The following SLC15A1 variants were observed in gnomAD, a reference collection of about 807,000 sequenced individuals.
SLC15A1 encodes the protein solute carrier family 15 member 1.
In SLC15A1, 83 loss-of-function variants were observed where a neutral mutation model predicts 92.9. That is an observed-to-expected ratio of 0.89 (90% CI 0.75 to 1.07). The LOEUF is 1.07. Ranked by LOEUF, SLC15A1 falls within the 50% of genes least tolerant of loss-of-function variation. The pLI is 0.00. For synonymous variants in SLC15A1, 322 were observed against 318.2 expected, an observed-to-expected ratio of 1.01 and a Z score of -0.13; for missense variants, 857 against 880.1, an observed-to-expected ratio of 0.97 and a Z score of 0.33.
intron 20 of SLC15A1, among the ~76,000 whole-genome samples, chr13:98,687,979 GTTCT>G (rs2087943709): frequency 6.6e-6 from 1 of 152,180 alleles, no homozygotes. Context: ...TGAACTATGA[GTTCT>G]TTAAGTCCAT....
chr13:98,716,670 T>A (rs1459296086), intron 8 of SLC15A1, among the ~76,000 whole-genome samples: 1 of 152,060 alleles, frequency 6.6e-6, no homozygotes, highest in Non-Finnish European at 1.5e-5. Context: ...CTGAATGCAA[T>A]GGGAAGAGAA....
chr13:98,705,615 G>A (rs1449323960), intron 16 of SLC15A1, among the ~76,000 whole-genome samples: 1 of 152,144 alleles, frequency 6.6e-6, no homozygotes, highest in East Asian at 1.9e-4. Flanking sequence ...ATTTTGGCTG[G>A]GTATGGTGGC....
In SLC15A1 at chr13:98,711,912, G is replaced by A. The variant is rs369301364; in HGVS notation, c.842C>T (p.Thr281Met). ...ERLISQIKMV[T>M]RVMFLYIPLP... Reference sequence around the variant, plus strand: ...TGGAATATACAGGAACATCACCCTCGTAACCATCTTAATTTGGGAGATGAG... The same window carrying A: ...TGGAATATACAGGAACATCACCCTCATAACCATCTTAATTTGGGAGATGAG... Residue 281 changes from threonine to methionine, a missense_variant, in exon 11 of 23, where the codon ACG becomes ATG. Thr to Met is a moderately conservative substitution (Grantham distance 81, BLOSUM62 -1). Transcript: ENST00000376503. 88 of 1,613,038 alleles carry A rather than the reference G, an allele frequency of 5.5e-5. No homozygotes were observed. Among genetic ancestry groups the A allele is most frequent in the South Asian group, 4.7e-4 (43 of 91,040 alleles).
intron 15 of SLC15A1, among the ~76,000 whole-genome samples, chr13:98,706,901 C>G (rs2088117375): frequency 1.3e-5 from 2 of 152,104 alleles, no homozygotes; most frequent in African/African-American, 4.8e-5. Context: ...TCTGATGGCT[C>G]TGAGTCACTA....
chr13:98,739,454 G>A (rs190881027), intron 1 of SLC15A1, among the ~76,000 whole-genome samples: 5 of 152,300 alleles, frequency 3.3e-5, no homozygotes. Context: ...GGAGGACACT[G>A]GATCATGGGG....
rs372126966 is a variant in SLC15A1 at position 98,684,693 on chromosome 13, C to A, written c.*31G>T. 130 of 1,601,994 alleles carry A rather than the reference C, an allele frequency of 8.1e-5. 2 individuals carry two copies. The African/African-American group carries it at 1.5e-3, about 18-fold the overall frequency. The stretch of plus-strand genomic sequence containing the variant: ...GGGCAGAGGTCAGGGCATCTGCGGG[C>A]CCAGTCCATCCTCCACTTGCCTCCT... On this transcript the variant is annotated 3_prime_UTR_variant, in exon 23 of 23. Transcript: ENST00000376503.
intron 18 of SLC15A1, among the ~76,000 whole-genome samples, chr13:98,697,018 A>G (rs916009539): frequency 1.3e-5 from 2 of 151,922 alleles, no homozygotes; most frequent in African/African-American, 4.8e-5. Context: ...CTGATCTTAC[A>G]CTTCCAGCCT....
At chr13:98,748,495 A>G (rs1208554338) in intron 1 of SLC15A1, among the ~76,000 whole-genome samples, 2 of 152,008 alleles carry the variant, frequency 1.3e-5, no homozygotes, top group African/African-American at 2.4e-5. Context: ...GGGTTTTGCC[A>G]TGTTGCGCAG....
intron 21 of SLC15A1, among the ~76,000 whole-genome samples, chr13:98,687,361 A>G (rs755505833): frequency 6.6e-6 from 1 of 152,204 alleles, no homozygotes; most frequent in Non-Finnish European, 1.5e-5. Context: ...GGCTATGGAC[A>G]CATGTGAACA....
chr13:98,715,165 T>C (rs879830387), intron 9 of SLC15A1, among the ~76,000 whole-genome samples: 1 of 152,192 alleles, frequency 6.6e-6, no homozygotes, highest in Non-Finnish European at 1.5e-5. Flanking sequence ...ACTTTTTAAA[T>C]ATTTTTTTCT....
At chr13:98,752,172 C>G (rs572144911) in intron 1 of SLC15A1, among the ~76,000 whole-genome samples, 92 of 152,342 alleles carry the variant, frequency 6.0e-4, no homozygotes, top group African/African-American at 2.2e-3. Context: ...CTGCGGAACT[C>G]CAGGGTCACC....
chr13:98,724,089 G>A, intron 4 of SLC15A1, 58 bp from the exon 5 acceptor site: 1 of 1,600,976 alleles, frequency 6.2e-7, no homozygotes, highest in African/African-American at 1.3e-5. Flanking sequence ...ATCCACTTTT[G>A]ACTCCACCAC....
chr13:98,705,188 G>A (rs1416011227), intron 16 of SLC15A1, among the ~76,000 whole-genome samples: 1 of 126,378 alleles, frequency 7.9e-6, no homozygotes, highest in African/African-American at 3.2e-5. Context: ...GACAGAGTGA[G>A]GCTCTGTATT....
At chr13:98,717,806 C>T (rs1224046999) in intron 8 of SLC15A1, among the ~76,000 whole-genome samples, 1 of 152,168 alleles carries the variant, frequency 6.6e-6, no homozygotes, top group Non-Finnish European at 1.5e-5. Context: ...ACGTGATTGT[C>T]AGCTGAGCAA....
intron 7 of SLC15A1, among the ~76,000 whole-genome samples, chr13:98,720,187 C>T (rs1489899257): frequency 6.6e-6 from 1 of 152,022 alleles, no homozygotes; most frequent in African/African-American, 2.4e-5. Context: ...TAATTTTCCC[C>T]CTATAAAGAA....
At chr13:98,693,191 G>T (rs763440192) in intron 18 of SLC15A1, among the ~76,000 whole-genome samples, 2 of 141,834 alleles carry the variant, frequency 1.4e-5, no homozygotes, top group Non-Finnish European at 3.0e-5. Context: ...TCCGCCTCCC[G>T]GGTTCAAGCG....
At position 98,726,372 on chromosome 13, in the gene SLC15A1, C is replaced by T. The variant is rs1231758184; in HGVS notation, c.99G>A (p.Met33Ile). Residue 33 changes from methionine to isoleucine, a missense_variant, in exon 3 of 23, where the codon ATG becomes ATA. Transcript: ENST00000376503. Reference sequence around the variant, plus strand: ...AGAAACGGCCAATACAGTTACCTCGCATTCCATAGTAGGAAAATCTTTCGC... The same window carrying T: ...AGAAACGGCCAATACAGTTACCTCGTATTCCATAGTAGGAAAATCTTTCGC... ...EFCERFSYYG[M>I]RAILILYFTN... is the part of the protein sequence containing the mutation. The T allele has an allele frequency of 1.2e-6, 2 of 1,614,072 alleles. No homozygotes were observed. Among genetic ancestry groups the T allele is most frequent in the African/African-American group, 1.3e-5 (1 of 74,904 alleles).
intron 1 of SLC15A1, among the ~76,000 whole-genome samples, chr13:98,743,747 T>G (rs1054694284): frequency 3.3e-5 from 5 of 152,228 alleles, no homozygotes; most frequent in Non-Finnish European, 5.9e-5. Context: ...ATTTTTAGTC[T>G]AGAAGAACAC....
At chr13:98,743,516 T>G (rs1054896287) in intron 1 of SLC15A1, among the ~76,000 whole-genome samples, 1 of 152,166 alleles carries the variant, frequency 6.6e-6, no homozygotes, top group East Asian at 1.9e-4. Flanking sequence ...TGACAGACAG[T>G]TGATTTCCAA....
Sources: allele counts gnomAD v4.1 joint callset (sites outside exome capture counted in the v4.1 genomes callset), GRCh38; gene constraint gnomAD v4.1.1; transcripts MANE v1.5; gene names NCBI Gene and HGNC (gene_info 2026-07-23, HGNC 2026-07-21).